The following CAPSL variants were observed in gnomAD, a reference collection of about 807,000 sequenced individuals.
CAPSL encodes the protein calcyphosine like, also known as calcyphosin-like protein.
Under a neutral mutation model 21.3 loss-of-function variants are expected in CAPSL, and 17 were observed. The observed-to-expected ratio is 0.80, with a 90% CI of 0.55 to 1.20. CAPSL has a LOEUF of 1.20. CAPSL is among the 50% of genes most tolerant of loss of function. The pLI, the probability that CAPSL is intolerant of heterozygous loss-of-function variation, is 0.00. For synonymous variants in CAPSL, 102 were observed against 89.3 expected (o/e 1.14, Z -0.80); for missense variants, 289 against 259.3 (o/e 1.11, Z -0.79).
At chr5:35,913,262 G>A (rs1738281440) in intron 2 of CAPSL, among the ~76,000 whole-genome samples, 1 of 152,130 alleles carries the variant, frequency 6.6e-6, no homozygotes, top group South Asian at 2.1e-4. Flanking sequence ...GGGGAGAAAG[G>A]AACCAAGTTG....
chr5:35,926,504 G>T (rs1738688667), intron 1 of CAPSL, among the ~76,000 whole-genome samples: 1 of 152,212 alleles, frequency 6.6e-6, no homozygotes, highest in South Asian at 2.1e-4. Context: ...TTGTAGGAAG[G>T]ATGTGGAAAG....
chr5:35,921,307 T>C (rs1482324726), intron 1 of CAPSL, among the ~76,000 whole-genome samples, 187 bp from the exon 2 acceptor site: 1 of 152,232 alleles, frequency 6.6e-6, no homozygotes, highest in African/African-American at 2.4e-5. Flanking sequence ...TATCTAGTCC[T>C]GAGGACATCT....
intron 1 of CAPSL, among the ~76,000 whole-genome samples, chr5:35,925,723 CT>C (rs1738655759): frequency 6.6e-6 from 1 of 152,014 alleles, no homozygotes. Context: ...GGGAAGAAGT[CT>C]TCTTAAAAAA....
intron 2 of CAPSL, among the ~76,000 whole-genome samples, chr5:35,912,426 T>C (rs368930653): frequency 5.3e-5 from 8 of 152,322 alleles, no homozygotes; most frequent in African/African-American, 1.9e-4. Context: ...AGTGGGTCCC[T>C]GACCCCCGAG....
intron 1 of CAPSL, among the ~76,000 whole-genome samples, chr5:35,925,280 G>A (rs1738643021): frequency 1.3e-5 from 2 of 152,190 alleles, no homozygotes; most frequent in Admixed American, 1.3e-4. Context: ...AGGCTTACCT[G>A]GCCTGGGAGT....
At position 35,904,659 on chromosome 5, in the gene CAPSL, A is replaced by T. The variant is rs1402660919; in HGVS notation, c.526-13T>A. On this transcript the variant is annotated splice_polypyrimidine_tract_variant and intron_variant, in intron 4 of 4. Coordinates refer to ENST00000651391, the MANE Select transcript of CAPSL (RefSeq NM_001042625.2). ...CCTCAGGGGTCACCTGCAGTGGAAA[A>T]GTTAGAAACAAAAACGAAACTTTGC... 3 of 1,609,588 alleles carry T rather than the reference A, an allele frequency of 1.9e-6. No individual in the cohort carries two copies. Among genetic ancestry groups the T allele is most frequent in the Admixed American group, 3.4e-5 (2 of 59,226 alleles).
chr5:35,922,627 C>G (rs1030393502), intron 1 of CAPSL, among the ~76,000 whole-genome samples: 1 of 152,188 alleles, frequency 6.6e-6, no homozygotes, highest in African/African-American at 2.4e-5. Flanking sequence ...GCACACCCTG[C>G]GCTTAGAGAC....
chr5:35,927,474 C>G (rs892861588), intron 1 of CAPSL, among the ~76,000 whole-genome samples: 1 of 152,176 alleles, frequency 6.6e-6, no homozygotes, highest in African/African-American at 2.4e-5. Flanking sequence ...GAAAGGTATA[C>G]AGTAGGCAGC....
At chr5:35,912,978 G>T (rs979231662) in intron 2 of CAPSL, among the ~76,000 whole-genome samples, 1 of 152,064 alleles carries the variant, frequency 6.6e-6, no homozygotes, top group Non-Finnish European at 1.5e-5. Context: ...TTAGATGAAC[G>T]TCTAACTAGA....
chr5:35,919,170 A>AAAAAAAATATATATATATATAT (rs754098152), intron 2 of CAPSL, among the ~76,000 whole-genome samples: 3 of 121,276 alleles, frequency 2.5e-5, no homozygotes, highest in South Asian at 2.6e-4. Flanking sequence ...TAAAAAAAAA[A>AAAAAAAATATATATATATATAT]ATATATATAT....
At chr5:35,930,540 C>T (rs1289278480) in intron 1 of CAPSL, among the ~76,000 whole-genome samples, 1 of 152,172 alleles carries the variant, frequency 6.6e-6, no homozygotes, top group African/African-American at 2.4e-5. Context: ...GTCAACCATA[C>T]ACTTGCCCAA....
intron 1 of CAPSL, among the ~76,000 whole-genome samples, chr5:35,928,280 T>C (rs181094461): frequency 6.2e-4 from 94 of 152,338 alleles, no homozygotes; most frequent in Non-Finnish European, 1.0e-3. Flanking sequence ...TACTATTGTA[T>C]TGTGGATTCA....
chr5:35,910,212 T>C (rs867406716), intron 3 of CAPSL, 137 bp from the exon 4 acceptor site: 6 of 1,081,048 alleles, frequency 5.6e-6, no homozygotes, highest in Middle Eastern at 2.1e-4. Context: ...GACACTACAA[T>C]TGCTCCAAAA....
chr5:35,935,532 G>A (rs1050378348), intron 1 of CAPSL, among the ~76,000 whole-genome samples: 3 of 151,684 alleles, frequency 2.0e-5, no homozygotes, highest in Admixed American at 2.0e-4. Context: ...ACAGGATCTT[G>A]CTATGTTGCC....
intron 2 of CAPSL, among the ~76,000 whole-genome samples, chr5:35,911,620 T>A (rs564814568): frequency 1.3e-5 from 2 of 152,186 alleles, no homozygotes; most frequent in Non-Finnish European, 1.5e-5. Flanking sequence ...GAGTTCTGGA[T>A]GAGATCTTGA....
intron 3 of CAPSL, 48 bp downstream of exon 3, chr5:35,910,318 A>G: frequency 6.3e-7 from 1 of 1,581,782 alleles, no homozygotes. Flanking sequence ...AACCCAAACC[A>G]CGTGAAAGCC....
intron 2 of CAPSL, among the ~76,000 whole-genome samples, chr5:35,916,254 G>C (rs1738381794): frequency 1.3e-5 from 2 of 151,896 alleles, no homozygotes; most frequent in Admixed American, 1.3e-4. Flanking sequence ...CTCATGGGTA[G>C]GAAGAATCAA....
rs1239792781 is a variant in CAPSL at position 35,916,457 on chromosome 5, C to G, written c.137+4527G>C. ...CTGGAGGCATAACGCTACCTGACTT[C>G]AAACTATACTACAAGGCTACAGTAA... On this transcript the variant is annotated intron_variant, in intron 2 of 4. Transcript: ENST00000651391. Among the ~76,000 whole-genome samples, 8 of 152,218 alleles carry G rather than the reference C, an allele frequency of 5.3e-5. No individual in the cohort carries two copies. The East Asian group carries it at 1.3e-3, about 26-fold the overall frequency.
At chr5:35,913,263 A>G (rs1199452939) in intron 2 of CAPSL, among the ~76,000 whole-genome samples, 1 of 152,230 alleles carries the variant, frequency 6.6e-6, no homozygotes, top group African/African-American at 2.4e-5. Flanking sequence ...GGGAGAAAGG[A>G]ACCAAGTTGG....
Sources: gnomAD v4.1 joint callset for allele counts (sites outside exome capture counted in the v4.1 genomes callset) on GRCh38, gnomAD v4.1.1 for gene constraint, MANE v1.5 for transcripts, NCBI Gene and HGNC (gene_info 2026-07-23, HGNC 2026-07-21) for gene names.